The following ACTR3C variants were observed in gnomAD, a reference collection of about 807,000 sequenced individuals.
ACTR3C encodes the protein actin related protein 3C, also known as actin-related protein 3C.
Under a neutral mutation model 26.3 loss-of-function variants are expected in ACTR3C, and 18 were observed. The observed-to-expected ratio is 0.68, with a 90% CI of 0.47 to 1.01. ACTR3C has a LOEUF of 1.01. ACTR3C is among the 50% of genes least tolerant of loss of function. The pLI is 0.00. For missense variants in ACTR3C, 184 were observed against 250.7 expected (o/e 0.73, Z 1.80); for synonymous variants, 55 against 94.5 (o/e 0.58, Z 2.42).
the ACTR3C span, among the ~76,000 whole-genome samples, chr7:150,105,591 C>T: frequency 6.6e-6 from 1 of 152,022 alleles, no homozygotes; most frequent in African/African-American, 2.4e-5. Context: ...GACTCCATGT[C>T]ACCGGTCACT....
the ACTR3C span, among the ~76,000 whole-genome samples, chr7:150,086,701 G>A: frequency 3.3e-5 from 5 of 152,216 alleles, no homozygotes; most frequent in Non-Finnish European, 7.3e-5. Context: ...GCAAAGGGGA[G>A]CGAGGAAAGA....
At chr7:149,972,550 G>A in the ACTR3C span, among the ~76,000 whole-genome samples, 2 of 152,106 alleles carry the variant, frequency 1.3e-5, no homozygotes, top group African/African-American at 2.4e-5. Flanking sequence ...TGGAGATGCA[G>A]TGTCCCTCTC....
At chr7:149,903,061 A>AAC in the ACTR3C span, among the ~76,000 whole-genome samples, 6 of 105,868 alleles carry the variant, frequency 5.7e-5, no homozygotes, top group Non-Finnish European at 1.1e-4. Context: ...ATTAAAAAAA[A>AAC]CCCTCAGATT....
At chr7:150,280,681 T>C (rs1425577350) in intron 6 of ACTR3C, among the ~76,000 whole-genome samples, 1 of 152,150 alleles carries the variant, frequency 6.6e-6, no homozygotes, top group Non-Finnish European at 1.5e-5. Context: ...AAAAGGTAGC[T>C]GTGTGAGGTG....
At chr7:150,156,940 C>T in the ACTR3C span, among the ~76,000 whole-genome samples, 3 of 151,512 alleles carry the variant, frequency 2.0e-5, no homozygotes, top group African/African-American at 7.3e-5. Flanking sequence ...AATCATACAT[C>T]GTAAGTCTTA....
the ACTR3C span, among the ~76,000 whole-genome samples, chr7:149,993,434 A>G: frequency 4.6e-5 from 7 of 152,128 alleles, no homozygotes; most frequent in African/African-American, 1.7e-4. Flanking sequence ...CGCTTAGAGG[A>G]CCACCAACAT....
the ACTR3C span, among the ~76,000 whole-genome samples, chr7:150,237,627 G>A: frequency 6.6e-6 from 1 of 152,108 alleles, no homozygotes; most frequent in Admixed American, 6.6e-5. Context: ...GAACAATGAA[G>A]GCCTCTGCTG....
intron 1 of ACTR3C, among the ~76,000 whole-genome samples, chr7:150,299,475 AAAAAAAAAAAAAAAAAAAAC>A (rs1795232504): frequency 6.9e-6 from 1 of 144,180 alleles, no homozygotes; most frequent in Non-Finnish European, 1.5e-5. Flanking sequence ...AAAAAAAAAA[AAAAAAAAAAAAAAAAAAAAC>A]AAAAAACAGG....
the ACTR3C span, among the ~76,000 whole-genome samples, chr7:150,226,610 G>A: frequency 6.6e-6 from 1 of 152,062 alleles, no homozygotes; most frequent in African/African-American, 2.4e-5. Context: ...CTAATTTTTT[G>A]TATTTTTAGT....
the ACTR3C span, among the ~76,000 whole-genome samples, chr7:150,199,186 T>C: frequency 1.7e-4 from 25 of 145,410 alleles, no homozygotes; most frequent in Admixed American, 1.3e-3. Context: ...GGGGAAAAGA[T>C]TGAGAAATCG....
chr7:150,125,356 G>A, the ACTR3C span, among the ~76,000 whole-genome samples: 1 of 150,978 alleles, frequency 6.6e-6, no homozygotes, highest in African/African-American at 2.4e-5. Context: ...TATGAAACTT[G>A]CAAGGCCGCT....
the ACTR3C span, among the ~76,000 whole-genome samples, chr7:149,927,427 A>AT: frequency 0.54 from 57,922 of 106,742 alleles, 13,212 homozygotes; most frequent in Non-Finnish European, 0.64. Flanking sequence ...TGGAATGACT[A>AT]TTTAAAAAAA....
the ACTR3C span, among the ~76,000 whole-genome samples, chr7:150,043,566 GC>G: frequency 6.6e-6 from 1 of 152,210 alleles, no homozygotes; most frequent in East Asian, 1.9e-4. Flanking sequence ...TCAGTACCTG[GC>G]CTCATGGCTC....
At chr7:150,223,850 C>G in the ACTR3C span, among the ~76,000 whole-genome samples, 34,011 of 152,048 alleles carry the variant, frequency 0.22, 6,025 homozygotes, top group African/African-American at 0.49. Flanking sequence ...AGACAGCACT[C>G]AATTTTTCAT....
chr7:150,227,710 T>TG, the ACTR3C span, among the ~76,000 whole-genome samples: 1 of 147,302 alleles, frequency 6.8e-6, no homozygotes, highest in Non-Finnish European at 1.5e-5. Flanking sequence ...TGTTTTTTTT[T>TG]TTTGGTATAT....
chr7:150,018,063 C>T, the ACTR3C span, among the ~76,000 whole-genome samples: 5 of 150,288 alleles, frequency 3.3e-5, no homozygotes, highest in Non-Finnish European at 7.4e-5. Flanking sequence ...AAACAGCTAA[C>T]GTAGCATTTT....
At chr7:149,929,780 C>T in the ACTR3C span, among the ~76,000 whole-genome samples, 13 of 152,264 alleles carry the variant, frequency 8.5e-5, no homozygotes, top group South Asian at 2.3e-3. Context: ...ATCCGCCCGC[C>T]TCAGCCTCCC....
chr7:150,309,478 A>G (rs1316586443), intron 1 of ACTR3C, among the ~76,000 whole-genome samples: 1 of 152,264 alleles, frequency 6.6e-6, no homozygotes, highest in Admixed American at 6.5e-5. Context: ...ATAAAGAGGC[A>G]GCCAAGCGGC....
the ACTR3C span, among the ~76,000 whole-genome samples, chr7:150,126,567 C>T: frequency 1.3e-5 from 2 of 152,182 alleles, no homozygotes; most frequent in Non-Finnish European, 2.9e-5. Context: ...AGCCCACTGT[C>T]TATAAGAAAG....
Sources: allele counts gnomAD v4.1 joint callset (sites outside exome capture counted in the v4.1 genomes callset), GRCh38; gene constraint gnomAD v4.1.1; transcripts MANE v1.5; gene names NCBI Gene and HGNC (gene_info 2026-07-23, HGNC 2026-07-21).